Variants in PHKB observed in about 807,000 individuals in gnomAD.
The protein encoded by PHKB is phosphorylase kinase regulatory subunit beta.
Under a neutral mutation model 152.1 loss-of-function variants are expected in PHKB, and 122 were observed. The observed-to-expected ratio is 0.80, with a 90% CI of 0.69 to 0.93. The LOEUF (loss-of-function observed/expected upper bound fraction) is 0.93, where lower values mean the gene tolerates loss of function less well. PHKB is among the 40% of genes least tolerant of loss of function. The pLI is 0.00. For synonymous variants in PHKB, 436 were observed against 464.9 expected (o/e 0.94, Z 0.80); for missense variants, 1,304 against 1,328.4 (o/e 0.98, Z 0.29).
chr16:47,557,751 T>C (rs1231348069), intron 7 of PHKB, among the ~76,000 whole-genome samples: 2 of 152,038 alleles, frequency 1.3e-5, no homozygotes, highest in East Asian at 1.9e-4. Context: ...CTGGAGAGGA[T>C]GTGGAGAAAT....
At chr16:47,533,313 G>A (rs892323333) in intron 6 of PHKB, among the ~76,000 whole-genome samples, 7 of 152,128 alleles carry the variant, frequency 4.6e-5, no homozygotes, top group African/African-American at 9.7e-5. Flanking sequence ...GGCACCACAC[G>A]TTCTCACCCC....
chr16:47,515,380 A>C, intron 5 of PHKB, 141 bp from the exon 6 acceptor site: 1 of 643,760 alleles, frequency 1.6e-6, no homozygotes, highest in Non-Finnish European at 2.8e-6. Flanking sequence ...TAAATTCACA[A>C]CACCTTTATT....
intron 25 of PHKB, chr16:47,665,485 A>C: frequency 4.0e-6 from 1 of 249,072 alleles, no homozygotes; most frequent in Non-Finnish European, 7.8e-6. Context: ...TACTAAGTGA[A>C]TCCTCTAATC....
At chr16:47,569,902 C>A (rs1165961371) in intron 7 of PHKB, among the ~76,000 whole-genome samples, 2 of 152,204 alleles carry the variant, frequency 1.3e-5, no homozygotes, top group Non-Finnish European at 2.9e-5. Flanking sequence ...GTATTACAGG[C>A]ATGAGCCACC....
chr16:47,652,254 G>A (rs891653490), intron 20 of PHKB, among the ~76,000 whole-genome samples: 1 of 151,582 alleles, frequency 6.6e-6, no homozygotes. Flanking sequence ...TTGATTCAGG[G>A]GGATACATAT....
intron 7 of PHKB, chr16:47,561,358 T>G (rs1971472648): frequency 6.6e-6 from 1 of 152,254 alleles, no homozygotes; most frequent in Admixed American, 6.5e-5. Flanking sequence ...TTGCTCTGTT[T>G]TCACTAAAGC....
At chr16:47,511,882 G>C in intron 5 of PHKB, 110 bp downstream of exon 5, 1 of 737,416 alleles carries the variant, frequency 1.4e-6, no homozygotes, top group Non-Finnish European at 2.4e-6. Context: ...GTTTTCCACG[G>C]ATGGGGTAGG....
intron 26 of PHKB, among the ~76,000 whole-genome samples, chr16:47,688,658 T>C (rs543482207): frequency 6.6e-6 from 1 of 152,046 alleles, no homozygotes; most frequent in Admixed American, 6.6e-5. Context: ...TTGAAATGCA[T>C]TGTTTCTCTG....
intron 1 of PHKB, among the ~76,000 whole-genome samples, chr16:47,485,054 T>C (rs1970026929): frequency 6.6e-6 from 1 of 152,202 alleles, no homozygotes; most frequent in Admixed American, 6.5e-5. Flanking sequence ...TTTCAACACC[T>C]AGGATCATGC....
intron 7 of PHKB, among the ~76,000 whole-genome samples, chr16:47,569,393 T>C (rs535484704): frequency 6.6e-6 from 1 of 152,330 alleles, no homozygotes; most frequent in South Asian, 2.1e-4. Flanking sequence ...TCTACAAGAA[T>C]CTTTCTATGG....
chr16:47,630,130 T>A (rs956206479), intron 14 of PHKB, among the ~76,000 whole-genome samples: 4 of 151,998 alleles, frequency 2.6e-5, no homozygotes, highest in Non-Finnish European at 5.9e-5. Context: ...CATATGTAAC[T>A]AACCTGCACA....
At chr16:47,502,724 G>A (rs77679900) in intron 3 of PHKB, among the ~76,000 whole-genome samples, 5 of 152,238 alleles carry the variant, frequency 3.3e-5, no homozygotes, top group African/African-American at 4.8e-5. Flanking sequence ...CAGCCAAATC[G>A]CTGTAGAAAT....
chr16:47,679,511 T>A (rs1973806054), intron 26 of PHKB, among the ~76,000 whole-genome samples: 1 of 152,214 alleles, frequency 6.6e-6, no homozygotes. Flanking sequence ...AATTCCTAGG[T>A]ATTTTATTCT....
At chr16:47,488,948 A>T (rs1970097681) in intron 1 of PHKB, among the ~76,000 whole-genome samples, 1 of 152,292 alleles carries the variant, frequency 6.6e-6, no homozygotes, top group East Asian at 1.9e-4. Context: ...TTCCATATGA[A>T]TTAAAAAAAT....
intron 14 of PHKB, among the ~76,000 whole-genome samples, chr16:47,624,443 A>G (rs1187937954): frequency 6.6e-6 from 1 of 152,220 alleles, no homozygotes; most frequent in Non-Finnish European, 1.5e-5. Context: ...ATGGAGCTTT[A>G]ATTTCTCAGA....
At chr16:47,659,008 G>A (rs913006460) in intron 20 of PHKB, among the ~76,000 whole-genome samples, 6 of 152,134 alleles carry the variant, frequency 3.9e-5, no homozygotes, top group African/African-American at 1.4e-4. Flanking sequence ...TAACTAAAGA[G>A]CAAGATGTAT....
chr16:47,596,505 C>T lies in PHKB; in HGVS notation c.1337C>T (p.Ala446Val), dbSNP rs1390054075. 1 of 1,613,872 alleles carries T rather than the reference C, an allele frequency of 6.2e-7. No individual in the cohort carries two copies. Among genetic ancestry groups the T allele is most frequent in the Non-Finnish European group, 8.5e-7 (1 of 1,179,816 alleles). ...RDGKLFLWGQ[A>V]LYIIAKLLAD... ...GGAAAACTGTTTCTTTGGGGACAAG[C>T]ACTTTATATCATCGCAAAACTCCTG... The change falls in exon 13 of 31, where the codon GCA (alanine) becomes GTA (valine). Residue 446 changes from alanine to valine, a missense_variant. Transcript: ENST00000323584.
At position 47,596,453 on chromosome 16, in the gene PHKB, C is replaced by T. The variant is rs563345848; in HGVS notation, c.1285C>T (p.Arg429Ter). The T allele has an allele frequency of 1.1e-4, 171 of 1,613,566 alleles. No individual in the cohort carries two copies. Among genetic ancestry groups the T allele is most frequent in the Non-Finnish European group, 1.3e-4 (157 of 1,179,528 alleles). ...AAAAAATAACCCTGGTAGTCAAAAA[C>T]GATTTCCTAGCAACTGTGGCCGTGA... The part of the protein sequence containing the change: ...YEKNNPGSQK[R>*]FPSNCGRDGK... Residue 429 changes from arginine (R) to a stop codon, truncating the protein, a stop_gained, in exon 13 of 31, where the codon CGA becomes TGA. Transcript: ENST00000323584. LOFTEE classifies it high-confidence loss of function.
At chr16:47,558,793 G>T (rs1205463879) in intron 7 of PHKB, among the ~76,000 whole-genome samples, 1 of 152,166 alleles carries the variant, frequency 6.6e-6, no homozygotes, top group Non-Finnish European at 1.5e-5. Context: ...AAGTGGTCTT[G>T]CCCACCTTGG....
Sources: allele counts gnomAD v4.1 joint callset (sites outside exome capture counted in the v4.1 genomes callset), GRCh38; gene constraint gnomAD v4.1.1; transcripts MANE v1.5; gene names NCBI Gene and HGNC (gene_info 2026-07-23, HGNC 2026-07-21).